The following CARS2 variants were observed in gnomAD, a reference collection of about 807,000 sequenced individuals.
CARS2 encodes probable cysteine--tRNA ligase, mitochondrial.
CARS2 carries 52 observed loss-of-function variants against 68.8 expected under a neutral mutation model. The observed-to-expected ratio is 0.76, with a 90% CI of 0.61 to 0.95. The LOEUF (loss-of-function observed/expected upper bound fraction) is 0.95, where lower values mean the gene tolerates loss of function less well. Among genes scored for constraint, CARS2 ranks in the 40% least tolerant of loss-of-function variants. CARS2 has a pLI of 0.00. For missense variants in CARS2, 780 were observed against 754.2 expected (o/e 1.03, Z -0.40); for synonymous variants, 314 against 303.6 (o/e 1.03, Z -0.36).
At position 110,705,706 on chromosome 13, in the gene CARS2, C is replaced by A. The variant is rs1365891559; in HGVS notation, c.225-135G>T. On this transcript the variant is annotated intron_variant, in intron 1 of 14. Coordinates refer to ENST00000257347, the MANE Select transcript of CARS2 (RefSeq NM_024537.4). This position sits in a 1 kb window ranked among gnomAD's most constrained non-coding sequence, Gnocchi z 4.0. ...AATAGCCGGGGTTTTCATACTTGCT[C>A]AATTCACACCCAAACCTGCAAAAGC... is the stretch of plus-strand genomic sequence containing the variant. 2 of 1,515,586 alleles carry A rather than the reference C, an allele frequency of 1.3e-6. No individual in the cohort carries two copies. The highest frequency in any genetic ancestry group is 8.9e-7 in the Non-Finnish European group (1 of 1,119,314). The allele number at this position is 1,515,586 out of a possible 1,614,324, so 93.9% of individuals were successfully genotyped here.
At chr13:110,711,369 TGCCCTGCTAATTTTTTGTATTTTTAGTA>T, upstream of CARS2, among the ~76,000 whole-genome samples, 1 of 152,308 alleles carries the variant, frequency 6.6e-6, no homozygotes, top group Admixed American at 6.5e-5. Flanking sequence ...CGCGCCACCA[TGCCCTGCTAATTTTTTGTATTTTTAGTA>T]GAGACAGGGT....
rs59788073 is a variant in CARS2 at position 110,676,772 on chromosome 13, G to A, written c.785+202C>T. On this transcript the variant is annotated intron_variant, in intron 7 of 14. Transcript: ENST00000257347. This position sits in a 1 kb window ranked among gnomAD's most constrained non-coding sequence, Gnocchi z 4.0. ...CTCTCCACTAAACAGAGGAAGTGCT[G>A]AGGTCAGGAAAGCTTGATGTGTCAT... Among the ~76,000 whole-genome samples, 21,469 of 152,104 alleles carry A rather than the reference G, an allele frequency of 0.14. 1,630 individuals carry two copies. The highest frequency in any genetic ancestry group is 0.17 in the Middle Eastern group (49 of 294).
chr13:110,712,415 G>A (rs1052269201), intron 1 of CARS2: 14 of 185,266 alleles, frequency 7.6e-5, no homozygotes, highest in South Asian at 3.3e-4. Flanking sequence ...GGGGACCCGC[G>A]GCGGCCGCAG....
intron 3 of CARS2, among the ~76,000 whole-genome samples, chr13:110,692,304 T>C (rs1481389735): frequency 6.6e-6 from 1 of 151,670 alleles, no homozygotes; most frequent in East Asian, 1.9e-4. Context: ...ACCCCGTCTC[T>C]ACTAAAAATA....
intron 6 of CARS2, among the ~76,000 whole-genome samples, chr13:110,678,546 T>C (rs538493264): frequency 6.6e-5 from 10 of 152,218 alleles, no homozygotes; most frequent in Non-Finnish European, 1.2e-4. Flanking sequence ...ACTAGTCACT[T>C]TACTAAGAAT....
intron 3 of CARS2, among the ~76,000 whole-genome samples, chr13:110,698,747 T>C (rs1398493576): frequency 6.6e-6 from 1 of 152,074 alleles, no homozygotes; most frequent in Admixed American, 6.5e-5. Flanking sequence ...CTCACACCTG[T>C]AATCCTAGCA....
rs551929607 is a variant in CARS2 at position 110,704,394 on chromosome 13, T to C, written c.275+1127A>G. On this transcript the variant is annotated intron_variant, in intron 2 of 14. Coordinates refer to ENST00000257347, the MANE Select transcript of CARS2 (RefSeq NM_024537.4). ...TATGCTTTTGATAATTAAAAGTATG[T>C]TAGCCCAAAGTAAAGGGGAAAAATG... 3.9e-5 allele frequency among the ~76,000 whole-genome samples: 6 copies of C among 152,356 alleles called. No individual in the cohort carries two copies. The East Asian group carries it at 1.2e-3, about 29-fold the overall frequency.
At chr13:110,656,726 T>C (rs866585800) in intron 9 of CARS2, among the ~76,000 whole-genome samples, 5 of 151,974 alleles carry the variant, frequency 3.3e-5, no homozygotes, top group African/African-American at 9.7e-5. Context: ...CTACTAAAAA[T>C]ACAAAAAATT....
At chr13:110,677,362 G>A (rs1288811438) in intron 6 of CARS2, among the ~76,000 whole-genome samples, 1 of 82,722 alleles carries the variant, frequency 1.2e-5, no homozygotes, top group African/African-American at 4.8e-5. Context: ...CCCCCACCAC[G>A]GAAACACAGA....
chr13:110,698,920 G>A (rs1354593434), intron 3 of CARS2, among the ~76,000 whole-genome samples: 1 of 152,050 alleles, frequency 6.6e-6, no homozygotes, highest in African/African-American at 2.4e-5. Flanking sequence ...GCTGAGGTGG[G>A]AGAACAGCTT....
In CARS2 at chr13:110,667,373, A is replaced by G. The variant is rs751712957; in HGVS notation, c.886T>C (p.Cys296Arg). 3 of 1,613,612 alleles carry G rather than the reference A, an allele frequency of 1.9e-6. No individual in the cohort carries two copies. Among genetic ancestry groups the G allele is most frequent in the Non-Finnish European group, 2.5e-6 (3 of 1,179,802 alleles). The part of the protein sequence containing the change: ...EIAQCEVFHQ[C>R]EQWGNYFLHS... ...AGAAAATAATTTCCCCACTGCTCGC[A>G]CTGATGAAAGACTTCGCACTGTGCA... Residue 296 changes from cysteine to arginine, a missense_variant, in exon 8 of 15, where the codon TGC (cysteine) becomes CGC (arginine). Transcript: ENST00000257347.
At chr13:110,679,068 A>G (rs2063059819) in intron 6 of CARS2, among the ~76,000 whole-genome samples, 1 of 32,560 alleles carries the variant, frequency 3.1e-5, no homozygotes, top group African/African-American at 1.2e-4. Context: ...GGGTTAATGA[A>G]ACCCCGTGGC....
intron 11 of CARS2, chr13:110,646,736 G>A (rs74127082): frequency 0.012 from 2,534 of 206,760 alleles, 72 homozygotes; most frequent in African/African-American, 0.055. Flanking sequence ...CTGAGCAGGG[G>A]GCTCAGAGCC....
intron 9 of CARS2, among the ~76,000 whole-genome samples, chr13:110,656,519 G>A (rs1369546582): frequency 6.6e-6 from 1 of 152,210 alleles, no homozygotes; most frequent in Admixed American, 6.5e-5. Context: ...ATGAGCGGCT[G>A]TCGGGGCTGG....
chr13:110,704,682 G>A (rs1292103949), intron 2 of CARS2, among the ~76,000 whole-genome samples: 1 of 152,138 alleles, frequency 6.6e-6, no homozygotes, highest in African/African-American at 2.4e-5. Context: ...AGAGGTTGCA[G>A]TGAGCCGAGA....
rs377587656 is a variant in CARS2, at chr13:110,644,498, G to A, written c.1318-15C>T. 6.2e-7 allele frequency: 1 copy of A among 1,613,606 alleles called. No homozygotes were observed. Among genetic ancestry groups the A allele is most frequent in the African/African-American group, 1.3e-5 (1 of 74,918 alleles). On this transcript the variant is annotated splice_polypyrimidine_tract_variant and intron_variant, in intron 12 of 14. Coordinates refer to ENST00000257347, the MANE Select transcript of CARS2 (RefSeq NM_024537.4). ...CCTTCAGGTTCCTGTAAGAGATCATGTCGCAGAAGCTCCTTAAAAGCAGTC... is the reference window on the plus strand; with the variant it reads ...CCTTCAGGTTCCTGTAAGAGATCATATCGCAGAAGCTCCTTAAAAGCAGTC...
Position 110,705,956 on chromosome 13 carries a change from C to G in CARS2, c.138G>C (p.Thr46=), listed in dbSNP as rs2063939520. The change falls in exon 1 of 15, where the codon ACG becomes ACC. Residue 46 remains threonine, a synonymous_variant. Transcript: ENST00000257347. This position sits in a 1 kb window ranked among gnomAD's most constrained non-coding sequence, Gnocchi z 4.0. ...GGRGRAWLQP[T]GRETGVQVYN... ...ACACCTGCACACCCGTCTCCCGGCC[C>G]GTGGGCTGCAGCCAGGCCCGCCCGC... 1.3e-6 allele frequency: 2 copies of G among 1,550,450 alleles called. No homozygotes were observed. The highest frequency in any genetic ancestry group is 1.7e-6 in the Non-Finnish European group (2 of 1,151,718).
Position 110,676,665 on chromosome 13 carries a change from T to C in CARS2, c.785+309A>G, listed in dbSNP as rs368265252. 2.6e-5 allele frequency among the ~76,000 whole-genome samples: 4 copies of C among 151,816 alleles called. No homozygotes were observed. In the South Asian group the frequency reaches 6.2e-4, roughly 24 times the overall value. On this transcript the variant is annotated intron_variant, in intron 7 of 14. Coordinates refer to ENST00000257347, the MANE Select transcript of CARS2 (RefSeq NM_024537.4). This position sits in a 1 kb window ranked among gnomAD's most constrained non-coding sequence, Gnocchi z 4.0. ...CGAGGAGGGATGTAGGTGCAAGCACTCTCCTCCAGGGCCCCAAGCACCAGC... is the reference window on the plus strand; with the variant it reads ...CGAGGAGGGATGTAGGTGCAAGCACCCTCCTCCAGGGCCCCAAGCACCAGC...
At chr13:110,666,208 C>T (rs377210254) in intron 8 of CARS2, 14 of 985,374 alleles carry the variant, frequency 1.4e-5, no homozygotes, top group Middle Eastern at 1.0e-3. Flanking sequence ...CACTGGGCAG[C>T]GTGCACCCCC....
Sources: allele counts gnomAD v4.1 joint callset (sites outside exome capture counted in the v4.1 genomes callset), GRCh38; gene constraint gnomAD v4.1.1; non-coding constraint Gnocchi (gnomAD v3.1); transcripts MANE v1.5; gene names NCBI Gene and HGNC (gene_info 2026-07-23, HGNC 2026-07-21).